The following C12orf56 variants were observed in gnomAD, a reference collection of about 807,000 sequenced individuals.
C12orf56 encodes chromosome 12 open reading frame 56.
A neutral mutation model predicts 69.9 loss-of-function variants in C12orf56; 71 were observed. The ratio of observed to expected loss-of-function variants is 1.02; its 90% CI spans 0.84 to 1.24. The LOEUF (loss-of-function observed/expected upper bound fraction) is 1.24, where lower values mean the gene tolerates loss of function less well. Among genes scored for constraint, C12orf56 ranks in the 50% most tolerant of loss-of-function variants. C12orf56 has a pLI of 0.00. For synonymous variants in C12orf56, 276 were observed against 274.1 expected (o/e 1.01, Z -0.07); for missense variants, 732 against 738.5 (o/e 0.99, Z 0.10).
intron 2 of C12orf56, among the ~76,000 whole-genome samples, chr12:64,348,828 T>C (rs2039183124): frequency 6.6e-6 from 1 of 152,202 alleles, no homozygotes. Context: ...TAATCAGCTA[T>C]AGAACTTTGA....
chr12:64,357,504 C>T (rs1398262240), intron 1 of C12orf56, among the ~76,000 whole-genome samples: 1 of 151,834 alleles, frequency 6.6e-6, no homozygotes, highest in Admixed American at 6.6e-5. Flanking sequence ...CCTCTGCCTC[C>T]CAGGCTCAAG....
chr12:64,270,072 C>T (rs1349796451), intron 12 of C12orf56, among the ~76,000 whole-genome samples: 1 of 152,056 alleles, frequency 6.6e-6, no homozygotes, highest in Admixed American at 6.6e-5. Flanking sequence ...CAAAATCCTA[C>T]CATTTTCACA....
Position 64,265,542 on chromosome 12 carries a change from C to T in C12orf56, c.*1641G>A, listed in dbSNP as rs143069408. On this transcript the variant is annotated 3_prime_UTR_variant, in exon 13 of 13. Transcript: ENST00000543942. ...AACTTGGAGAACATCTAGTCCCACC[C>T]TTCCACCTAGCAGAGGAAGCCCAGG... is the stretch of plus-strand genomic sequence containing the variant. 6.6e-6 allele frequency: 1 copy of T among 152,406 alleles called. No individual in the cohort carries two copies. Among genetic ancestry groups the T allele is most frequent in the East Asian group, 1.9e-4 (1 of 5,190 alleles). The allele number at this position is 152,406 out of a possible 1,614,324, so 9.4% of individuals were successfully genotyped here.
intron 2 of C12orf56, among the ~76,000 whole-genome samples, chr12:64,333,131 A>G (rs1480952576): frequency 3.9e-5 from 6 of 152,208 alleles, no homozygotes; most frequent in African/African-American, 1.4e-4. Flanking sequence ...GTTTGAGCCC[A>G]TCTCCTGCTT....
Position 64,269,269 on chromosome 12 carries a change from CCTTTTCAT to C in C12orf56, c.1763+1259_1763+1266del, listed in dbSNP as rs146068001. Among the ~76,000 whole-genome samples, 71 of 152,212 alleles carry C rather than the reference CCTTTTCAT, an allele frequency of 4.7e-4. 1 individual carries two copies. The highest frequency in any genetic ancestry group is 1.7e-3 in the African/African-American group (70 of 41,534). On this transcript the variant is annotated intron_variant, in intron 12 of 12. Transcript: ENST00000543942. The stretch of plus-strand genomic sequence containing the variant: ...AATGACAAAGCTGTGTCCGCTGTAC[CCTTTTCAT>C]CTTAAGTCAGAGACAACCTGGGTTT...
intron 3 of C12orf56, 61 bp downstream of exon 3, chr12:64,330,899 G>T: frequency 7.3e-7 from 1 of 1,364,738 alleles, no homozygotes; most frequent in South Asian, 1.4e-5. Context: ...AGAAAAACAA[G>T]TTACAATGTA....
chr12:64,365,700 A>C (rs1264244422), intron 1 of C12orf56, among the ~76,000 whole-genome samples: 1 of 145,356 alleles, frequency 6.9e-6, no homozygotes, highest in African/African-American at 2.5e-5. Context: ...CTATTATATA[A>C]TACAATATAT....
intron 1 of C12orf56, among the ~76,000 whole-genome samples, chr12:64,380,168 A>G (rs2039701679): frequency 6.6e-6 from 1 of 150,876 alleles, no homozygotes; most frequent in African/African-American, 2.4e-5. Context: ...CAATGCAGCT[A>G]AACAACACAG....
At chr12:64,383,996 CA>C (rs2039755510) in intron 1 of C12orf56, among the ~76,000 whole-genome samples, 1 of 152,216 alleles carries the variant, frequency 6.6e-6, no homozygotes, top group Non-Finnish European at 1.5e-5. Context: ...CATATTTCTG[CA>C]AAGTAATAAC....
At chr12:64,387,293 T>G (rs2039807544) in intron 1 of C12orf56, among the ~76,000 whole-genome samples, 1 of 152,096 alleles carries the variant, frequency 6.6e-6, no homozygotes, top group African/African-American at 2.4e-5. Context: ...CTATCGCAAC[T>G]TCCAAAGTTG....
rs59688148 is a variant in C12orf56 at position 64,328,679 on chromosome 12, C to CAAAAAAAAAAAA, written c.488+2269_488+2280dup. Among the ~76,000 whole-genome samples, 19 of 57,914 alleles carry CAAAAAAAAAAAA rather than the reference C, an allele frequency of 3.3e-4. 1 individual carries two copies. Among genetic ancestry groups the CAAAAAAAAAAAA allele is most frequent in the South Asian group, 7.6e-4 (1 of 1,308 alleles). The allele number at this position is 57,914 out of a possible 152,430, so 38.0% of individuals were successfully genotyped here. ...TGGGCGACAGTGCAAGACTCCATCT[C>CAAAAAAAAAAAA]AAAAAAAAAAAAAAAAAAAAAAAAA... On this transcript the variant is annotated intron_variant, in intron 3 of 12. Coordinates refer to ENST00000543942, the MANE Select transcript of C12orf56 (RefSeq NM_001170633.2).
chr12:64,273,156 A>G (rs1220841403), intron 11 of C12orf56, among the ~76,000 whole-genome samples: 5 of 151,946 alleles, frequency 3.3e-5, no homozygotes, highest in Non-Finnish European at 2.9e-5. Context: ...TTAGCCGGGT[A>G]TGGTGGCAGG....
intron 2 of C12orf56, among the ~76,000 whole-genome samples, chr12:64,339,426 T>C (rs1001255472): frequency 1.4e-4 from 22 of 152,194 alleles, no homozygotes; most frequent in South Asian, 4.1e-4. Flanking sequence ...AGAGATGTAT[T>C]GAGCAGGGTA....
At chr12:64,338,864 G>A in intron 2 of C12orf56, 2 of 706,164 alleles carry the variant, frequency 2.8e-6, no homozygotes, top group Non-Finnish European at 2.5e-6. Flanking sequence ...GGGAGGAATG[G>A]GCAGAGGAAA....
chr12:64,349,601 G>A (rs1352419393), intron 2 of C12orf56, among the ~76,000 whole-genome samples: 1 of 152,168 alleles, frequency 6.6e-6, no homozygotes, highest in Non-Finnish European at 1.5e-5. Context: ...CAAAATTGCG[G>A]AACCAACCCA....
intron 2 of C12orf56, among the ~76,000 whole-genome samples, chr12:64,337,115 G>A (rs1429525690): frequency 2.0e-5 from 3 of 152,076 alleles, no homozygotes; most frequent in African/African-American, 7.2e-5. Context: ...CAATTACAGG[G>A]ACAGATACCT....
In C12orf56 at chr12:64,318,705, G is replaced by C; in HGVS notation, c.764C>G (p.Ser255Cys). ...GCTCTGTGAAGGGGAATCTAAGAGG[G>C]AATTTCCTAAGTAAAACTCATTTCC... Reference protein sequence around the residue: ...GNGNEFYLGNSLLDSPSQSNS... With the variant: ...GNGNEFYLGNCLLDSPSQSNS... The change falls in exon 4 of 13, where the codon TCC (serine) becomes TGC (cysteine). Residue 255 changes from serine (S) to cysteine (C), a missense_variant. Physicochemically the swap from Ser to Cys is moderately radical, Grantham distance 112. Coordinates refer to ENST00000543942, the MANE Select transcript of C12orf56 (RefSeq NM_001170633.2). 1 of 1,537,174 alleles carries C rather than the reference G, an allele frequency of 6.5e-7. No homozygotes were observed. The highest frequency in any genetic ancestry group is 1.2e-5 in the South Asian group (1 of 84,064).
chr12:64,371,939 A>C (rs1343811618), intron 1 of C12orf56, among the ~76,000 whole-genome samples: 3 of 141,064 alleles, frequency 2.1e-5, no homozygotes, highest in Non-Finnish European at 3.0e-5. Flanking sequence ...GCACCACCAC[A>C]TGCAGCTAAT....
intron 5 of C12orf56, 114 bp downstream of exon 5, chr12:64,312,565 T>C: frequency 2.7e-6 from 2 of 738,188 alleles, no homozygotes; most frequent in Non-Finnish European, 4.5e-6. Flanking sequence ...GCCAAGACTG[T>C]GCCACTGCAC....
Sources: allele counts gnomAD v4.1 joint callset (sites outside exome capture counted in the v4.1 genomes callset), GRCh38; gene constraint gnomAD v4.1.1; transcripts MANE v1.5; gene names NCBI Gene and HGNC (gene_info 2026-07-23, HGNC 2026-07-21).